CCL25: variants seen among roughly 807,000 people sequenced by gnomAD.
CCL25 encodes C-C motif chemokine ligand 25.
In CCL25, 14 loss-of-function variants were observed where a neutral mutation model predicts 19.9. The observed-to-expected ratio is 0.70, with a 90% CI of 0.47 to 1.10. The LOEUF is 1.10. CCL25 is among the 50% of genes least tolerant of loss of function. The pLI is 0.00. For synonymous variants in CCL25, 68 were observed against 73.2 expected (o/e 0.93, Z 0.36); for missense variants, 151 against 181.2 (o/e 0.83, Z 0.96).
At chr19:8,052,587 G>A (rs908831292), upstream of CCL25, among the ~76,000 whole-genome samples, 1 of 151,712 alleles carries the variant, frequency 6.6e-6, no homozygotes, top group Non-Finnish European at 1.5e-5. Context: ...GGCCTGGGAT[G>A]GGGAGTGGGG....
At chr19:8,057,957 T>C (rs780278631) in intron 5 of CCL25, 37 bp downstream of exon 5, 17 of 1,599,162 alleles carry the variant, frequency 1.1e-5, no homozygotes, top group Non-Finnish European at 1.5e-5. Context: ...CTCCCATCCA[T>C]CACCTTTGCT....
At chr19:8,054,949 G>A (rs999309459) in intron 2 of CCL25, among the ~76,000 whole-genome samples, 1 of 150,820 alleles carries the variant, frequency 6.6e-6, no homozygotes, top group Admixed American at 6.7e-5. Flanking sequence ...CACCTCCTGG[G>A]TTCAAGTGAT....
chr19:8,052,699 G>A (rs375751022), upstream of CCL25: 104 of 242,118 alleles, frequency 4.3e-4, no homozygotes, highest in African/African-American at 2.3e-3. Context: ...GGAGGAGGGC[G>A]GGCAGGGGGT....
In CCL25 at chr19:8,062,181, G is replaced by A. The variant is rs370101969; in HGVS notation, c.446-37G>A. ...ATATAGTTACTATTATTTTACAGCC[G>A]TCAATTTTACTTCGGCCTCTCTCAT... On this transcript the variant is annotated intron_variant, in intron 5 of 5. Transcript: ENST00000315626. 6.6e-5 allele frequency: 106 copies of A among 1,610,162 alleles called. 1 individual carries two copies. Among genetic ancestry groups the A allele is most frequent in the South Asian group, 3.0e-4 (27 of 90,964 alleles).
chr19:8,056,200 C>T lies in CCL25; in HGVS notation c.122C>T (p.Ala41Val). Residue 41 changes from alanine (A) to valine (V), a missense_variant, in exon 3 of 6, where the codon GCT becomes GTT. Coordinates refer to ENST00000315626, the MANE Select transcript of CCL25 (RefSeq NM_005624.4). The part of the protein sequence containing the change: ...CLAYHYPIGW[A>V]VLRRAWTYRI... Reference sequence around the variant, plus strand: ...GCCTACCACTACCCCATTGGGTGGGCTGTGCTCCGGCGCGCCTGGACTTAC... The same window carrying T: ...GCCTACCACTACCCCATTGGGTGGGTTGTGCTCCGGCGCGCCTGGACTTAC... The T allele has an allele frequency of 6.4e-7, 1 of 1,561,268 alleles. No individual in the cohort carries two copies. The highest frequency in any genetic ancestry group is 8.7e-7 in the Non-Finnish European group (1 of 1,154,250).
intron 5 of CCL25, among the ~76,000 whole-genome samples, chr19:8,058,619 T>C (rs2081292463): frequency 7.6e-6 from 1 of 131,624 alleles, no homozygotes; most frequent in Admixed American, 9.6e-5. Flanking sequence ...ATAAAGTATA[T>C]ATAATGTATA....
At chr19:8,060,681 A>G (rs2081311475) in intron 5 of CCL25, among the ~76,000 whole-genome samples, 1 of 148,006 alleles carries the variant, frequency 6.8e-6, no homozygotes, top group Admixed American at 6.7e-5. Flanking sequence ...TCAGCTTACC[A>G]GGGATTTTTT....
intron 5 of CCL25, 88 bp downstream of exon 5, chr19:8,058,008 G>A (rs1434817596): frequency 6.5e-7 from 1 of 1,534,704 alleles, no homozygotes; most frequent in Non-Finnish European, 8.8e-7. Context: ...TGGGACAGGA[G>A]ATTCACCTCC....
intron 2 of CCL25, among the ~76,000 whole-genome samples, chr19:8,053,802 G>A (rs1385326001): frequency 6.6e-6 from 1 of 152,026 alleles, no homozygotes; most frequent in African/African-American, 2.4e-5. Flanking sequence ...GCCTGCCTCA[G>A]CCTCCCAAAG....
intron 5 of CCL25, among the ~76,000 whole-genome samples, chr19:8,061,759 C>T (rs1290081700): frequency 6.6e-6 from 1 of 151,966 alleles, no homozygotes; most frequent in African/African-American, 2.4e-5. Context: ...TTTGGGAGGC[C>T]GAGGTGGGCA....
intron 5 of CCL25, among the ~76,000 whole-genome samples, chr19:8,059,096 G>A (rs28825804): frequency 6.6e-4 from 61 of 91,790 alleles, no homozygotes; most frequent in Non-Finnish European, 9.8e-4. Flanking sequence ...TATATATAAT[G>A]TATATATTTA....
At chr19:8,059,820 T>G (rs1266527635) in intron 5 of CCL25, among the ~76,000 whole-genome samples, 1 of 151,924 alleles carries the variant, frequency 6.6e-6, no homozygotes, top group East Asian at 1.9e-4. Context: ...CCGGGCGCGG[T>G]GGCTCATGCC....
intron 5 of CCL25, among the ~76,000 whole-genome samples, chr19:8,060,939 C>T (rs2081314001): frequency 6.6e-6 from 1 of 150,768 alleles, no homozygotes; most frequent in Non-Finnish European, 1.5e-5. Context: ...CTCAGCCTCC[C>T]AAAGTGCTGG....
rs948415065 is a variant in CCL25 at position 8,062,459 on chromosome 19, T to C, written c.*234T>C. The C allele has an allele frequency of 3.6e-6, 2 of 562,598 alleles. No individual in the cohort carries two copies. The highest frequency in any genetic ancestry group is 1.9e-5 in the African/African-American group (1 of 53,066). 34.9% of individuals were successfully genotyped at this position (562,598 alleles called of 1,614,324 possible). ...TTGCCGCTCCGGGGACCAGCAGCAA[T>C]CCTGGGCAGCCAGTGGCTCTTGTAG... On this transcript the variant is annotated 3_prime_UTR_variant, in exon 6 of 6. Transcript: ENST00000315626.
rs2081323827 is a variant in CCL25 at position 8,062,285 on chromosome 19, C to T, written c.*60C>T. On this transcript the variant is annotated 3_prime_UTR_variant, in exon 6 of 6. Coordinates refer to ENST00000315626, the MANE Select transcript of CCL25 (RefSeq NM_005624.4). The stretch of plus-strand genomic sequence containing the variant: ...GGGCCGGATCTTTCTCCGATAAAAC[C>T]GTCGCCCTACAGACCCAGCTGTCCC... The T allele has an allele frequency of 1.4e-5, 22 of 1,597,670 alleles. No homozygotes were observed. The Admixed American group carries it at 1.7e-4, about 12-fold the overall frequency.
chr19:8,059,143 TAATATATAATATATATAATA>T (rs1568336043), intron 5 of CCL25, among the ~76,000 whole-genome samples: 1 of 21,396 alleles, frequency 4.7e-5, no homozygotes, highest in African/African-American at 1.3e-4. Flanking sequence ...ATATATTATA[TAATATATAATATATATAATA>T]TATAATATAT....
chr19:8,062,382 C>A lies in CCL25; in HGVS notation c.*157C>A. The A allele has an allele frequency of 2.8e-6, 2 of 715,910 alleles. No individual in the cohort carries two copies. The highest frequency in any genetic ancestry group is 4.8e-6 in the Non-Finnish European group (2 of 420,896). 44.3% of individuals were successfully genotyped at this position (715,910 alleles called of 1,614,324 possible). A position where few individuals can be genotyped will look rare whatever the true frequency, so the allele number is the denominator to read the frequency against. The stretch of plus-strand genomic sequence containing the variant: ...GGTCCTCCCTCTGCACCCCCACCAC[C>A]TCCTGCCCGTCTGGCAACTGGAAAG... On this transcript the variant is annotated 3_prime_UTR_variant, in exon 6 of 6. Coordinates refer to ENST00000315626, the MANE Select transcript of CCL25 (RefSeq NM_005624.4).
Position 8,053,109 on chromosome 19 carries a change from T to C in CCL25, c.60T>C (p.Ala20=), listed in dbSNP as rs763857332. 1 of 1,556,144 alleles carries C rather than the reference T, an allele frequency of 6.4e-7. No homozygotes were observed. Among genetic ancestry groups the C allele is most frequent in the South Asian group, 1.2e-5 (1 of 84,380 alleles). ...GCTTCCTGGGAGCCTGGGCCCCCGC[T>C]GTCCACACCCAAGGTACTGTGTTCG... is the stretch of plus-strand genomic sequence containing the variant. ...VAGFLGAWAP[A]VHTQGVFEDC... is the part of the protein sequence containing the mutation. The change falls in exon 2 of 6, where the codon GCT becomes GCC. Residue 20 remains alanine, a synonymous_variant. Coordinates refer to ENST00000315626, the MANE Select transcript of CCL25 (RefSeq NM_005624.4).
chr19:8,058,970 T>TAC (rs2081295508), intron 5 of CCL25, among the ~76,000 whole-genome samples: 1 of 129,706 alleles, frequency 7.7e-6, no homozygotes, highest in African/African-American at 2.8e-5. Flanking sequence ...AATATATAAA[T>TAC]ATATAATATA....
Sources: gnomAD v4.1 joint callset for allele counts (sites outside exome capture counted in the v4.1 genomes callset) on GRCh38, gnomAD v4.1.1 for gene constraint, MANE v1.5 for transcripts, NCBI Gene and HGNC (gene_info 2026-07-23, HGNC 2026-07-21) for gene names.